GRID1: variants seen among roughly 807,000 people sequenced by gnomAD.
GRID1 encodes glutamate receptor ionotropic, delta-1.
In GRID1, 28 loss-of-function variants were observed where a neutral mutation model predicts 98.0. The ratio of observed to expected loss-of-function variants is 0.29; its 90% CI spans 0.21 to 0.39. The LOEUF (loss-of-function observed/expected upper bound fraction) is 0.39. Ranked by LOEUF, GRID1 falls within the 10% of genes least tolerant of loss-of-function variation. The pLI is 1.00. For missense variants in GRID1, 1,111 were observed against 1,340.5 expected (o/e 0.83, Z 2.67); for synonymous variants, 553 against 538.5 (o/e 1.03, Z -0.37).
At chr10:85,818,884 ATT>A (rs1395870967) in intron 8 of GRID1, among the ~76,000 whole-genome samples, 1 of 151,950 alleles carries the variant, frequency 6.6e-6, no homozygotes, top group East Asian at 1.9e-4. Context: ...CACCTGGATA[ATT>A]TTTTTGTATT....
At position 85,990,621 on chromosome 10, in the gene GRID1, C is replaced by T. The variant is rs529739599; in HGVS notation, c.727-74382G>A. ...GATCATGTGCAAAGGCCATGGGGCT[C>T]GAAGAGCTCAGAGTGCTGAGGAAGG... On this transcript the variant is annotated intron_variant, in intron 4 of 15. Coordinates refer to ENST00000327946, the MANE Select transcript of GRID1 (RefSeq NM_017551.3). Among the ~76,000 whole-genome samples the T allele has an allele frequency of 1.1e-4, 16 of 152,198 alleles. 1 individual carries two copies. In the Middle Eastern group the frequency reaches 0.017, roughly 162 times the overall value.
At chr10:86,106,347 T>C (rs1032004274) in intron 4 of GRID1, among the ~76,000 whole-genome samples, 3 of 151,998 alleles carry the variant, frequency 2.0e-5, no homozygotes, top group Non-Finnish European at 4.4e-5. Flanking sequence ...ACACAGGAAA[T>C]GTTTATCCCA....
intron 4 of GRID1, among the ~76,000 whole-genome samples, chr10:86,120,168 C>T (rs1298768105): frequency 6.6e-6 from 1 of 152,160 alleles, no homozygotes; most frequent in African/African-American, 2.4e-5. Flanking sequence ...AGCCTGGCCT[C>T]CTGTTCCTCC....
intron 3 of GRID1, among the ~76,000 whole-genome samples, chr10:86,190,231 T>C (rs931479980): frequency 1.2e-4 from 19 of 152,206 alleles, no homozygotes; most frequent in African/African-American, 3.9e-4. Context: ...AGCTCTGACA[T>C]GTGGCACTTA....
intron 2 of GRID1, among the ~76,000 whole-genome samples, chr10:86,258,475 T>G (rs1283237687): frequency 1.3e-5 from 2 of 152,222 alleles, no homozygotes; most frequent in Admixed American, 1.3e-4. Flanking sequence ...AAAGTGATTT[T>G]CCTCTCACAC....
chr10:86,221,122 C>CA (rs1246371689), intron 2 of GRID1, among the ~76,000 whole-genome samples: 1 of 152,250 alleles, frequency 6.6e-6, no homozygotes, highest in Non-Finnish European at 1.5e-5. Context: ...TCTCAGCCCC[C>CA]AGGTGCTTCA....
rs141872131 is a variant in GRID1, at chr10:85,845,861, C to T, written c.1233+8635G>A. Among the ~76,000 whole-genome samples the T allele has an allele frequency of 4.2e-3, 644 of 152,014 alleles. 7 individuals are homozygous for T. The highest frequency in any genetic ancestry group is 0.014 in the African/African-American group (600 of 41,432). On this transcript the variant is annotated intron_variant, in intron 8 of 15. Coordinates refer to ENST00000327946, the MANE Select transcript of GRID1 (RefSeq NM_017551.3). Reference sequence around the variant, plus strand: ...AACATAATGTTGAGCAAAAGAAGTACGATACAAAAGAGTATGGAACATTTG... The same window carrying T: ...AACATAATGTTGAGCAAAAGAAGTATGATACAAAAGAGTATGGAACATTTG...
chr10:86,146,560 C>T (rs1320617435), intron 3 of GRID1, among the ~76,000 whole-genome samples: 4 of 152,178 alleles, frequency 2.6e-5, no homozygotes, highest in Non-Finnish European at 5.9e-5. Context: ...GCCCTCTGCC[C>T]GCTGGAATCC....
chr10:85,868,639 C>G (rs1257921906), intron 6 of GRID1, among the ~76,000 whole-genome samples: 1 of 152,174 alleles, frequency 6.6e-6, no homozygotes, highest in African/African-American at 2.4e-5. Flanking sequence ...TAACAAGAAC[C>G]TAAAACAGGT....
intron 3 of GRID1, among the ~76,000 whole-genome samples, chr10:86,162,469 T>C (rs1340279776): frequency 6.6e-6 from 1 of 152,292 alleles, no homozygotes; most frequent in African/African-American, 2.4e-5. Context: ...AAACTGTGTG[T>C]TCTCTCACCT....
chr10:85,839,572 T>C (rs1004287588), intron 8 of GRID1, among the ~76,000 whole-genome samples: 2 of 152,122 alleles, frequency 1.3e-5, no homozygotes, highest in Non-Finnish European at 2.9e-5. Context: ...TATTTGAAGC[T>C]AATAAAACAA....
chr10:85,780,152 G>A (rs938110853), intron 8 of GRID1, among the ~76,000 whole-genome samples: 5 of 152,320 alleles, frequency 3.3e-5, no homozygotes, highest in East Asian at 1.9e-4. Context: ...TCTTGAGATC[G>A]TTGTCTAATC....
chr10:86,279,938 T>C (rs1195515959), intron 2 of GRID1, among the ~76,000 whole-genome samples: 3 of 152,234 alleles, frequency 2.0e-5, no homozygotes, highest in Non-Finnish European at 1.5e-5. Flanking sequence ...GTGCAGCAGC[T>C]CATGCCTCTA....
At chr10:85,690,780 A>T (rs1166578537) in intron 12 of GRID1, among the ~76,000 whole-genome samples, 2 of 152,176 alleles carry the variant, frequency 1.3e-5, no homozygotes, top group African/African-American at 4.8e-5. Flanking sequence ...AAAAAAATTC[A>T]ATAATTCAAT....
At chr10:86,332,645 T>A (rs1589452097) in intron 2 of GRID1, among the ~76,000 whole-genome samples, 1 of 152,178 alleles carries the variant, frequency 6.6e-6, no homozygotes, top group East Asian at 1.9e-4. Flanking sequence ...GGGGCTTCCT[T>A]CCCTGCCTTC....
chr10:85,644,436 T>G (rs1204023435), intron 13 of GRID1, among the ~76,000 whole-genome samples: 1 of 152,240 alleles, frequency 6.6e-6, no homozygotes, highest in East Asian at 1.9e-4. Context: ...ATGTGTATAT[T>G]TTATACATTT....
intron 2 of GRID1, among the ~76,000 whole-genome samples, chr10:86,244,619 T>G (rs2132044435): frequency 6.6e-6 from 1 of 152,352 alleles, no homozygotes; most frequent in Admixed American, 6.5e-5. Context: ...GCCCCACCTC[T>G]GGCTCCAGCG....
At chr10:85,920,060 C>T (rs2131826705) in intron 4 of GRID1, among the ~76,000 whole-genome samples, 1 of 152,264 alleles carries the variant, frequency 6.6e-6, no homozygotes, top group South Asian at 2.1e-4. Flanking sequence ...TGCCTTGCTC[C>T]CTACTGGGGA....
At chr10:86,174,515 A>G (rs1032775340) in intron 3 of GRID1, among the ~76,000 whole-genome samples, 10 of 151,846 alleles carry the variant, frequency 6.6e-5, no homozygotes, top group East Asian at 1.9e-4. Flanking sequence ...AGACTTAAAC[A>G]TTAGACCTAA....
Sources: gnomAD v4.1 joint callset for allele counts (sites outside exome capture counted in the v4.1 genomes callset) on GRCh38, gnomAD v4.1.1 for gene constraint, MANE v1.5 for transcripts, NCBI Gene and HGNC (gene_info 2026-07-23, HGNC 2026-07-21) for gene names.